Variants in ID3 observed in about 807,000 individuals in gnomAD.
ID3 encodes DNA-binding protein inhibitor ID-3.
ID3 carries 4 observed loss-of-function variants against 9.6 expected under a neutral mutation model. The observed-to-expected ratio is 0.42, with a 90% confidence interval of 0.21 to 0.96. The LOEUF (loss-of-function observed/expected upper bound fraction) is 0.96. ID3 is among the 40% of genes least tolerant of loss of function. The pLI, the probability that ID3 is intolerant of heterozygous loss-of-function variation, is 0.30. For synonymous variants in ID3, 108 were observed against 75.2 expected (o/e 1.44, Z -2.26); for missense variants, 191 against 164.5 (o/e 1.16, Z -0.88).
rs1268260688 is a variant in ID3 at position 23,558,043 on chromosome 1, A to G, written c.*398T>C. ...TGTAAAAAAGGTACAAAACCTATAT[A>G]CTCTATTATAGAGTTCATAAATCAG... On this transcript the variant is annotated 3_prime_UTR_variant, in exon 3 of 3. Transcript: ENST00000374561. The G allele has an allele frequency of 6.6e-6, 1 of 152,558 alleles. No individual in the cohort carries two copies. Among genetic ancestry groups the G allele is most frequent in the African/African-American group, 2.4e-5 (1 of 41,410 alleles). 9.5% of individuals were successfully genotyped at this position (152,558 alleles called of 1,614,324 possible). A position where few individuals can be genotyped will look rare whatever the true frequency, so the allele number is the denominator to read the frequency against.
chr1:23,559,247 T>C lies in ID3; in HGVS notation c.180A>G (p.Arg60=), dbSNP rs146830460. The C allele has an allele frequency of 3.3e-5, 54 of 1,614,046 alleles. No homozygotes were observed. In the African/African-American group the frequency reaches 7.1e-4, roughly 21 times the overall value. Residue 60 remains arginine, a synonymous_variant, in exon 1 of 3, where the codon AGA becomes AGG. Transcript: ENST00000374561. ...RLRELVPGVP[R]GTQLSQVEIL... is the part of the protein sequence containing the mutation. ...TTTCCACCTGGCTAAGCTGAGTGCC[T>C]CTCGGGACTCCGGGTACCAGTTCCC...
rs748753020 is a variant in ID3 at position 23,559,331 on chromosome 1, C to T, written c.96G>A (p.Pro32=). The T allele has an allele frequency of 3.2e-5, 51 of 1,613,518 alleles. No homozygotes were observed. The highest frequency in any genetic ancestry group is 2.7e-4 in the Admixed American group (16 of 60,014). ...LAIARGRGKG[P]AAEEPLSLLD... ...GCAAGCTCAGCGGCTCCTCAGCTGC[C>T]GGGCCCTTCCCTCGGCCCCGGGCGA... The change falls in exon 1 of 3, where the codon CCG becomes CCA. Residue 32 remains proline, a synonymous_variant. Coordinates refer to ENST00000374561, the MANE Select transcript of ID3 (RefSeq NM_002167.5).
Position 23,558,919 on chromosome 1 carries a change from G to T in ID3, c.*25+16C>A, listed in dbSNP as rs780663887. ...TTGCCGTTTAAACCTCCCTCTCCAA[G>T]AGAGGAGATACTCACCTGGAGGTGT... On this transcript the variant is annotated intron_variant, in intron 2 of 2. Coordinates refer to ENST00000374561, the MANE Select transcript of ID3 (RefSeq NM_002167.5). 2 of 1,570,484 alleles carry T rather than the reference G, an allele frequency of 1.3e-6. No homozygotes were observed. Among genetic ancestry groups the T allele is most frequent in the East Asian group, 4.5e-5 (2 of 44,508 alleles).
intron 2 of ID3, 100 bp downstream of exon 2, chr1:23,558,835 C>T: frequency 1.4e-6 from 1 of 735,570 alleles, no homozygotes; most frequent in Non-Finnish European, 2.4e-6. Context: ...CCTCTCTGGC[C>T]TCAGTTTCCC....
In ID3 at chr1:23,559,237, G is replaced by C. The variant is rs1055074154; in HGVS notation, c.190C>G (p.Leu64Val). The C allele has an allele frequency of 6.2e-7, 1 of 1,614,214 alleles. No individual in the cohort carries two copies. Among genetic ancestry groups the C allele is most frequent in the Non-Finnish European group, 8.5e-7 (1 of 1,180,042 alleles). The change falls in exon 1 of 3, where the codon CTT (leucine) becomes GTT (valine). Residue 64 changes from leucine (L) to valine (V), a missense_variant. By Grantham distance (32) the Leu-to-Val change is conservative. Coordinates refer to ENST00000374561, the MANE Select transcript of ID3 (RefSeq NM_002167.5). ...LVPGVPRGTQLSQVEILQRVI... is the reference protein window; with the variant it reads ...LVPGVPRGTQVSQVEILQRVI... ...CGCTGTAGGATTTCCACCTGGCTAA[G>C]CTGAGTGCCTCTCGGGACTCCGGGT...
intron 2 of ID3, 135 bp downstream of exon 2, chr1:23,558,800 T>G: frequency 1.6e-6 from 1 of 628,764 alleles, no homozygotes; most frequent in South Asian, 1.9e-5. Context: ...ATTCATTTGA[T>G]GCAACCATGG....
At position 23,558,012 on chromosome 1, in the gene ID3, C is replaced by T. The variant is rs1473406231; in HGVS notation, c.*429G>A. 6.6e-6 allele frequency: 1 copy of T among 152,602 alleles called. No individual in the cohort carries two copies. The highest frequency in any genetic ancestry group is 1.5e-5 in the Non-Finnish European group (1 of 68,030). 9.5% of individuals were successfully genotyped at this position (152,602 alleles called of 1,614,324 possible). ...TACATCGCATTGTTACAGAAAGTCACCTTCCTGTAAAAAAGGTACAAAACC... is the reference window on the plus strand; with the variant it reads ...TACATCGCATTGTTACAGAAAGTCATCTTCCTGTAAAAAAGGTACAAAACC... On this transcript the variant is annotated 3_prime_UTR_variant, in exon 3 of 3. Coordinates refer to ENST00000374561, the MANE Select transcript of ID3 (RefSeq NM_002167.5).
In ID3 at chr1:23,559,497, A is replaced by G; in HGVS notation, c.-71T>C. ...AAGAAGTCCCGCTACAGTGACCTGC[A>G]ACGCGCGCACGCTCGCCGCGGCGGT... On this transcript the variant is annotated 5_prime_UTR_variant, in exon 1 of 3. Coordinates refer to ENST00000374561, the MANE Select transcript of ID3 (RefSeq NM_002167.5). The G allele has an allele frequency of 2.7e-6, 4 of 1,498,488 alleles. No homozygotes were observed. The highest frequency in any genetic ancestry group is 2.3e-4 in the Middle Eastern group (1 of 4,386). The allele number at this position is 1,498,488 out of a possible 1,614,324, so 92.8% of individuals were successfully genotyped here. A position where few individuals can be genotyped will look rare whatever the true frequency, so the allele number is the denominator to read the frequency against.
Position 23,559,499 on chromosome 1 carries a change from C to G in ID3, c.-73G>C. ...GAAGTCCCGCTACAGTGACCTGCAA[C>G]GCGCGCACGCTCGCCGCGGCGGTCA... On this transcript the variant is annotated 5_prime_UTR_variant, in exon 1 of 3. Transcript: ENST00000374561. 6.7e-7 allele frequency: 1 copy of G among 1,486,026 alleles called. No individual in the cohort carries two copies. Among genetic ancestry groups the G allele is most frequent in the Non-Finnish European group, 9.0e-7 (1 of 1,111,252 alleles). The allele number at this position is 1,486,026 out of a possible 1,614,324, so 92.1% of individuals were successfully genotyped here.
chr1:23,559,274 C>G lies in ID3; in HGVS notation c.153G>C (p.Leu51=), dbSNP rs772588913. 38 of 1,614,130 alleles carry G rather than the reference C, an allele frequency of 2.4e-5. No homozygotes were observed. The highest frequency in any genetic ancestry group is 3.2e-5 in the Non-Finnish European group (38 of 1,180,028). The change falls in exon 1 of 3, where the codon CTG becomes CTC. Residue 51 remains leucine (L), a synonymous_variant. Coordinates refer to ENST00000374561, the MANE Select transcript of ID3 (RefSeq NM_002167.5). ...LDDMNHCYSR[L]RELVPGVPRG... is the part of the protein sequence containing the mutation. Reference sequence around the variant, plus strand: ...TCGGGACTCCGGGTACCAGTTCCCGCAGGCGGGAGTAGCAGTGGTTCATGT... The same window carrying G: ...TCGGGACTCCGGGTACCAGTTCCCGGAGGCGGGAGTAGCAGTGGTTCATGT...
rs749637236 is a variant in ID3, at chr1:23,558,972, G to A, written c.348C>T (p.Ser116=). The A allele has an allele frequency of 1.2e-6, 2 of 1,614,132 alleles. No individual in the cohort carries two copies. The highest frequency in any genetic ancestry group is 1.7e-6 in the Non-Finnish European group (2 of 1,179,980). The change falls in exon 2 of 3, where the codon AGC becomes AGT. Residue 116 remains serine, a synonymous_variant. Coordinates refer to ENST00000374561, the MANE Select transcript of ID3 (RefSeq NM_002167.5). ...PELVISNDKR[S]FCH ...GGACACGGCCGAGTCAGTGGCAAAA[G>A]CTCCTTTTGTCGTTGGAGATGACAA...
At position 23,559,250 on chromosome 1, in the gene ID3, C is replaced by T. The variant is rs148870313; in HGVS notation, c.177G>A (p.Pro59=). The T allele has an allele frequency of 1.5e-3, 2,368 of 1,614,180 alleles. 4 individuals carry two copies. Among genetic ancestry groups the T allele is most frequent in the Middle Eastern group, 2.8e-3 (17 of 6,062 alleles). ...SRLRELVPGV[P]RGTQLSQVEI... is the part of the protein sequence containing the mutation. ...CCACCTGGCTAAGCTGAGTGCCTCT[C>T]GGGACTCCGGGTACCAGTTCCCGCA... The change falls in exon 1 of 3, where the codon CCG becomes CCA. Residue 59 remains proline, a synonymous_variant. Transcript: ENST00000374561.
rs74062742 is a variant in ID3, at chr1:23,559,037, G to C, written c.301-18C>G. The C allele has an allele frequency of 6.2e-7, 1 of 1,613,848 alleles. No individual in the cohort carries two copies. Among genetic ancestry groups the C allele is most frequent in the African/African-American group, 1.3e-5 (1 of 74,930 alleles). ...TCGGCTGTCTGATTAGAGGAAAAGA[G>C]GGAAGAGTTACGCGAGGCAATCGGG... On this transcript the variant is annotated intron_variant, in intron 1 of 2. Transcript: ENST00000374561.
At position 23,559,259 on chromosome 1, in the gene ID3, G is replaced by A. The variant is rs150987910; in HGVS notation, c.168C>T (p.Pro56=). ...TAAGCTGAGTGCCTCTCGGGACTCC[G>A]GGTACCAGTTCCCGCAGGCGGGAGT... ...HCYSRLRELV[P]GVPRGTQLSQ... is the part of the protein sequence containing the mutation. Residue 56 remains proline, a synonymous_variant, in exon 1 of 3, where the codon CCC becomes CCT. Coordinates refer to ENST00000374561, the MANE Select transcript of ID3 (RefSeq NM_002167.5). 1.6e-4 allele frequency: 251 copies of A among 1,614,062 alleles called. No homozygotes were observed. The highest frequency in any genetic ancestry group is 7.5e-4 in the African/African-American group (56 of 74,940).
Position 23,557,934 on chromosome 1 carries a change from T to A in ID3, c.*507A>T, listed in dbSNP as rs1323397961. 6.6e-6 allele frequency: 1 copy of A among 152,644 alleles called. No homozygotes were observed. The highest frequency in any genetic ancestry group is 1.5e-5 in the Non-Finnish European group (1 of 68,042). 9.5% of individuals were successfully genotyped at this position (152,644 alleles called of 1,614,324 possible). On this transcript the variant is annotated 3_prime_UTR_variant, in exon 3 of 3. Transcript: ENST00000374561. ...AGACGGGTGTCATCATATACACAAG[T>A]GTTTAAAAATCGTTTATTATGCAAA...
chr1:23,558,825 CCT>C (rs1643680687), intron 2 of ID3, 108 bp downstream of exon 2: 3 of 682,480 alleles, frequency 4.4e-6, no homozygotes, highest in African/African-American at 1.8e-5. Context: ...GTCACTTGTC[CCT>C]CTCTGGCCTC....
intron 2 of ID3, 96 bp from the exon 3 acceptor site, chr1:23,558,511 A>C: frequency 6.3e-6 from 1 of 158,218 alleles, no homozygotes. Flanking sequence ...CCAGGGAGGA[A>C]ACTTGGTCTG....
chr1:23,558,673 A>G, intron 2 of ID3: 1 of 462,246 alleles, frequency 2.2e-6, no homozygotes, highest in Non-Finnish European at 4.0e-6. Context: ...ATGGAACAGA[A>G]AGACTTGTAT....
In ID3 at chr1:23,559,346, G is replaced by A. The variant is rs761928637; in HGVS notation, c.81C>T (p.Gly27=). 1.2e-6 allele frequency: 2 copies of A among 1,613,308 alleles called. No homozygotes were observed. Among genetic ancestry groups the A allele is most frequent in the African/African-American group, 2.7e-5 (2 of 74,932 alleles). ...CCTCAGCTGCCGGGCCCTTCCCTCG[G>A]CCCCGGGCGATGGCCAGACTGCGTT... ...LSERSLAIAR[G]RGKGPAAEEP... Residue 27 remains glycine, a synonymous_variant, in exon 1 of 3, where the codon GGC becomes GGT. Coordinates refer to ENST00000374561, the MANE Select transcript of ID3 (RefSeq NM_002167.5).
Sources: gnomAD v4.1 joint callset for allele counts on GRCh38, gnomAD v4.1.1 for gene constraint, MANE v1.5 for transcripts, NCBI Gene and HGNC (gene_info 2026-07-23, HGNC 2026-07-21) for gene names.